CACNA1E: variants seen among roughly 807,000 people sequenced by gnomAD.
The protein encoded by CACNA1E is calcium voltage-gated channel subunit alpha1 E, also known as voltage-dependent R-type calcium channel subunit alpha-1E.
In CACNA1E, 40 loss-of-function variants were observed where a neutral mutation model predicts 259.2. That is an observed-to-expected ratio of 0.15 (90% CI 0.12 to 0.20). The LOEUF is 0.20. Ranked by LOEUF, CACNA1E falls within the 10% of genes least tolerant of loss-of-function variation. The pLI is 1.00. For missense variants in CACNA1E, 1,874 were observed against 3,040.1 expected (o/e 0.62, Z 9.02); for synonymous variants, 1,104 against 1,138.5 (o/e 0.97, Z 0.61).
At chr1:181,586,187 G>T (rs941895932) in intron 6 of CACNA1E, among the ~76,000 whole-genome samples, 7 of 152,212 alleles carry the variant, frequency 4.6e-5, no homozygotes, top group African/African-American at 1.7e-4. Flanking sequence ...AGCAAGAAGA[G>T]TGGAGTTGCC....
At position 181,358,429 on chromosome 1, in the gene CACNA1E, A is replaced by G. The variant is rs140230884; in HGVS notation, c.-15+40306A>G. 3.9e-3 allele frequency among the ~76,000 whole-genome samples: 595 copies of G among 152,330 alleles called. 5 individuals carry two copies. The highest frequency in any genetic ancestry group is 0.014 in the African/African-American group (579 of 41,568). ...TGTATTGATTTCTATTCTACTGTAT[A>G]AAGAGACATTTTAAAGAGTATTTGG... On this transcript the variant is annotated intron_variant, in intron 1 of 11. Transcript: ENST00000524607.
At chr1:181,656,223 A>T (rs921393885) in intron 7 of CACNA1E, among the ~76,000 whole-genome samples, 2 of 152,198 alleles carry the variant, frequency 1.3e-5, no homozygotes, top group Non-Finnish European at 2.9e-5. Context: ...CTCAGGAGGT[A>T]TTCCAGAGGA....
At chr1:181,348,116 C>T (rs1477554910) in intron 1 of CACNA1E, among the ~76,000 whole-genome samples, 3 of 151,770 alleles carry the variant, frequency 2.0e-5, no homozygotes, top group Non-Finnish European at 4.4e-5. Flanking sequence ...TGAAGCCGTG[C>T]GTCTCATGGA....
At chr1:181,496,646 A>T (rs570654270) in intron 1 of CACNA1E, among the ~76,000 whole-genome samples, 2 of 152,160 alleles carry the variant, frequency 1.3e-5, no homozygotes, top group Non-Finnish European at 2.9e-5. Flanking sequence ...AAATTTGCCT[A>T]ATGAGCTTGG....
chr1:181,584,979 T>C (rs1489956383), intron 6 of CACNA1E, among the ~76,000 whole-genome samples: 1 of 152,090 alleles, frequency 6.6e-6, no homozygotes, highest in Non-Finnish European at 1.5e-5. Flanking sequence ...GTAATTGGTA[T>C]CCAGGATCAC....
chr1:181,651,959 C>T (rs1190698868), intron 7 of CACNA1E: 1 of 152,474 alleles, frequency 6.6e-6, no homozygotes, highest in Admixed American at 6.5e-5. Context: ...CCTTAGGAAA[C>T]ATGTTTTGCC....
At chr1:181,769,444 G>GTT (rs1252942162) in intron 35 of CACNA1E, among the ~76,000 whole-genome samples, 47 of 142,974 alleles carry the variant, frequency 3.3e-4, no homozygotes, top group African/African-American at 1.0e-3. Context: ...CTGCTTTTTG[G>GTT]TTTTTTTTTT....
intron 2 of CACNA1E, among the ~76,000 whole-genome samples, chr1:181,441,216 C>T (rs1009706270): frequency 5.9e-5 from 9 of 152,066 alleles, no homozygotes; most frequent in Admixed American, 2.0e-4. Flanking sequence ...GGCGCAATCT[C>T]GGCTCACTGC....
At chr1:181,795,756 T>G (rs1283847137) in intron 46 of CACNA1E, among the ~76,000 whole-genome samples, 2 of 97,978 alleles carry the variant, frequency 2.0e-5, no homozygotes, top group Non-Finnish European at 4.6e-5. Flanking sequence ...TCTTTTAAGC[T>G]TTTTGCTTTA....
At chr1:181,362,045 T>C (rs1251660120) in intron 1 of CACNA1E, among the ~76,000 whole-genome samples, 1 of 152,220 alleles carries the variant, frequency 6.6e-6, no homozygotes, top group Admixed American at 6.5e-5. Context: ...TCCTCATCTG[T>C]AAAATGGGGC....
At chr1:181,796,538 G>A (rs1661821091) in intron 46 of CACNA1E, 130 bp from the exon 47 acceptor site, 2 of 589,384 alleles carry the variant, frequency 3.4e-6, no homozygotes, top group South Asian at 2.8e-5. Flanking sequence ...ATTTGGGGGG[G>A]GACACAAACA....
In CACNA1E at chr1:181,802,919, G is replaced by A. The variant is rs977847657; in HGVS notation, c.*4085G>A. 2 of 152,178 alleles carry A rather than the reference G, an allele frequency of 1.3e-5. No individual in the cohort carries two copies. Among genetic ancestry groups the A allele is most frequent in the African/African-American group, 4.8e-5 (2 of 41,448 alleles). The allele number at this position is 152,178 out of a possible 1,614,324, so 9.4% of individuals were successfully genotyped here. ...GGGATATTTCTCGGCTCATTTATAA[G>A]ATATAAATATTATGAGGTTGTATGT... is the stretch of plus-strand genomic sequence containing the variant. On this transcript the variant is annotated 3_prime_UTR_variant, in exon 48 of 48. Coordinates refer to ENST00000367573, the MANE Select transcript of CACNA1E (RefSeq NM_001205293.3).
chr1:181,319,523 C>G (rs935805592), intron 1 of CACNA1E, among the ~76,000 whole-genome samples: 3 of 152,140 alleles, frequency 2.0e-5, no homozygotes, highest in Non-Finnish European at 4.4e-5. Context: ...ACTAAGATGA[C>G]CATTTCTTGT....
intron 7 of CACNA1E, among the ~76,000 whole-genome samples, chr1:181,688,883 A>G (rs1488224637): frequency 1.3e-5 from 2 of 152,180 alleles, no homozygotes; most frequent in Non-Finnish European, 2.9e-5. Flanking sequence ...TAGATTCCAC[A>G]TATAAATGAG....
chr1:181,482,605 C>T (rs1663365706), upstream of CACNA1E, among the ~76,000 whole-genome samples: 1 of 151,844 alleles, frequency 6.6e-6, no homozygotes. Flanking sequence ...AGCGCTCTTG[C>T]GCGCCTCGCT....
intron 6 of CACNA1E, among the ~76,000 whole-genome samples, chr1:181,636,649 C>G (rs998661924): frequency 2.0e-5 from 3 of 152,114 alleles, no homozygotes; most frequent in Non-Finnish European, 4.4e-5. Context: ...ATCAGTGCAC[C>G]CCAATGGAAT....
chr1:181,446,671 A>G (rs889605497), intron 2 of CACNA1E, among the ~76,000 whole-genome samples: 14 of 152,164 alleles, frequency 9.2e-5, no homozygotes, highest in East Asian at 7.7e-4. Context: ...TGTCTGCTCA[A>G]TCCCATTATT....
chr1:181,382,158 T>G (rs1571719484), intron 1 of CACNA1E, among the ~76,000 whole-genome samples: 1 of 152,068 alleles, frequency 6.6e-6, no homozygotes, highest in Admixed American at 6.6e-5. Flanking sequence ...GCCAGCCATA[T>G]GAAGATGAGG....
intron 7 of CACNA1E, among the ~76,000 whole-genome samples, chr1:181,682,525 T>C (rs1472393036): frequency 6.6e-6 from 1 of 152,148 alleles, no homozygotes; most frequent in Non-Finnish European, 1.5e-5. Flanking sequence ...CTATATTTCC[T>C]CAATGGCTGG....
Sources: gnomAD v4.1 joint callset for allele counts (sites outside exome capture counted in the v4.1 genomes callset) on GRCh38, gnomAD v4.1.1 for gene constraint, MANE v1.5 for transcripts, NCBI Gene and HGNC (gene_info 2026-07-23, HGNC 2026-07-21) for gene names.